Variants in ATP8B4 observed in about 807,000 individuals in gnomAD.
The protein encoded by ATP8B4 is ATPase phospholipid transporting 8B4 (putative).
Under a neutral mutation model 145.6 loss-of-function variants are expected in ATP8B4, and 133 were observed. The observed-to-expected ratio is 0.91, with a 90% CI of 0.79 to 1.05. ATP8B4 has a LOEUF of 1.05. Among genes scored for constraint, ATP8B4 ranks in the 50% least tolerant of loss-of-function variants. The pLI is 0.00. For missense variants in ATP8B4, 1,458 were observed against 1,425.2 expected (o/e 1.02, Z -0.37); for synonymous variants, 507 against 492.9 (o/e 1.03, Z -0.38).
At chr15:49,990,888 G>A (rs1954556298) in intron 9 of ATP8B4, among the ~76,000 whole-genome samples, 1 of 152,104 alleles carries the variant, frequency 6.6e-6, no homozygotes, top group African/African-American at 2.4e-5. Context: ...TAGCGTTTTA[G>A]AGATTGCCCA....
At chr15:49,881,302 C>T (rs945290247) in intron 23 of ATP8B4, among the ~76,000 whole-genome samples, 3 of 152,190 alleles carry the variant, frequency 2.0e-5, no homozygotes, top group Middle Eastern at 3.4e-3. Context: ...AATAGTAAAA[C>T]ATGGGAAAAT....
intron 14 of ATP8B4, among the ~76,000 whole-genome samples, chr15:49,950,615 C>CA (rs1189915156): frequency 0.029 from 2,316 of 79,886 alleles, 78 homozygotes; most frequent in African/African-American, 0.093. Flanking sequence ...AACAAACAAA[C>CA]AAACAAAAAA....
At chr15:50,049,317 A>G (rs1376845090) in intron 3 of ATP8B4, among the ~76,000 whole-genome samples, 1 of 152,068 alleles carries the variant, frequency 6.6e-6, no homozygotes, top group African/African-American at 2.4e-5. Context: ...TCCTCACTCT[A>G]GTAATCCCCA....
chr15:50,026,840 C>T (rs79657279), intron 6 of ATP8B4, among the ~76,000 whole-genome samples: 9,843 of 152,158 alleles, frequency 0.065, 358 homozygotes, highest in Non-Finnish European at 0.085. Flanking sequence ...CAATGAGTAG[C>T]CTGCATATGA....
chr15:49,993,220 A>T (rs1172671359), intron 9 of ATP8B4, among the ~76,000 whole-genome samples: 7 of 152,110 alleles, frequency 4.6e-5, no homozygotes, highest in Non-Finnish European at 8.8e-5. Context: ...AAAGATAAAG[A>T]ATGACAGAAA....
chr15:50,102,247 G>C (rs750664177), intron 2 of ATP8B4, among the ~76,000 whole-genome samples: 2 of 151,380 alleles, frequency 1.3e-5, no homozygotes, highest in African/African-American at 2.4e-5. Context: ...CAAGATCAGA[G>C]CACACTAAAT....
intron 6 of ATP8B4, among the ~76,000 whole-genome samples, chr15:50,012,837 A>T (rs1472651454): frequency 2.0e-5 from 3 of 152,142 alleles, no homozygotes; most frequent in African/African-American, 4.8e-5. Context: ...CTGTAGAACA[A>T]TCAGTGGGTA....
At chr15:49,886,344 C>T (rs1212615044) in intron 23 of ATP8B4, among the ~76,000 whole-genome samples, 1 of 151,926 alleles carries the variant, frequency 6.6e-6, no homozygotes, top group Non-Finnish European at 1.5e-5. Flanking sequence ...GAGGTAAATG[C>T]CACGACAGCA....
chr15:50,037,175 A>C (rs982196616), intron 6 of ATP8B4, among the ~76,000 whole-genome samples: 4 of 152,218 alleles, frequency 2.6e-5, no homozygotes, highest in African/African-American at 9.6e-5. Context: ...TGCTAGAGTT[A>C]TTAGTTCAAA....
chr15:49,914,110 G>A (rs1403100070), intron 20 of ATP8B4, among the ~76,000 whole-genome samples: 1 of 152,050 alleles, frequency 6.6e-6, no homozygotes, highest in Non-Finnish European at 1.5e-5. Flanking sequence ...AAACAGCATG[G>A]TATTGGTGTA....
At chr15:50,090,231 G>A (rs2055516421) in intron 2 of ATP8B4, among the ~76,000 whole-genome samples, 1 of 152,110 alleles carries the variant, frequency 6.6e-6, no homozygotes, top group Admixed American at 6.6e-5. Context: ...ACAACGGGAG[G>A]GAGAGCATCG....
chr15:50,146,796 T>A (rs1225751158), intron 1 of ATP8B4, among the ~76,000 whole-genome samples: 1 of 152,140 alleles, frequency 6.6e-6, no homozygotes, highest in African/African-American at 2.4e-5. Context: ...CCAGAGTCCC[T>A]GCTAGAGAAC....
chr15:49,920,138 A>G, intron 18 of ATP8B4, 108 bp downstream of exon 18: 1 of 1,364,242 alleles, frequency 7.3e-7, no homozygotes, highest in Non-Finnish European at 1.0e-6. Flanking sequence ...AAAGAGAAAC[A>G]TCTGCTGTGT....
intron 1 of ATP8B4, among the ~76,000 whole-genome samples, chr15:50,180,530 A>G (rs905369314): frequency 6.6e-6 from 1 of 152,118 alleles, no homozygotes; most frequent in Non-Finnish European, 1.5e-5. Context: ...GTAATCTAGC[A>G]CTCTGGGTAG....
At chr15:50,077,012 T>C (rs1439941736) in intron 2 of ATP8B4, among the ~76,000 whole-genome samples, 5 of 152,206 alleles carry the variant, frequency 3.3e-5, no homozygotes, top group South Asian at 2.1e-4. Context: ...ACTATTCCCA[T>C]TGAGAACGGC....
chr15:49,871,285 C>G (rs1177414664), intron 25 of ATP8B4, among the ~76,000 whole-genome samples: 1 of 152,166 alleles, frequency 6.6e-6, no homozygotes, highest in African/African-American at 2.4e-5. Flanking sequence ...TTCCTTTACG[C>G]TCAGTATAAG....
intron 20 of ATP8B4, among the ~76,000 whole-genome samples, chr15:49,911,883 A>G (rs2039264827): frequency 1.3e-5 from 2 of 152,154 alleles, no homozygotes; most frequent in Non-Finnish European, 2.9e-5. Context: ...TACCAAAAGG[A>G]ACTTAGAAAC....
At chr15:50,042,473 C>T (rs1311213163) in intron 5 of ATP8B4, among the ~76,000 whole-genome samples, 1 of 152,144 alleles carries the variant, frequency 6.6e-6, no homozygotes, top group East Asian at 1.9e-4. Context: ...CCACTTTCTC[C>T]ATAATATCTT....
intron 1 of ATP8B4, among the ~76,000 whole-genome samples, chr15:50,132,214 C>T: frequency 6.6e-6 from 1 of 152,084 alleles, no homozygotes; most frequent in East Asian, 1.9e-4. Flanking sequence ...ATAAAAAGTA[C>T]AGGAACAGCC....
Sources: allele counts gnomAD v4.1 joint callset (sites outside exome capture counted in the v4.1 genomes callset), GRCh38; gene constraint gnomAD v4.1.1; transcripts MANE v1.5; gene names NCBI Gene and HGNC (gene_info 2026-07-23, HGNC 2026-07-21).